The following CDC25B variants were observed in gnomAD, a reference collection of about 807,000 sequenced individuals.
The protein encoded by CDC25B is M-phase inducer phosphatase 2.
CDC25B carries 33 observed loss-of-function variants against 69.8 expected under a neutral mutation model. That is an observed-to-expected ratio of 0.47 (90% confidence interval 0.36 to 0.63). The LOEUF (loss-of-function observed/expected upper bound fraction) is 0.63. CDC25B is among the 30% of genes least tolerant of loss of function. The pLI is 0.00. For synonymous variants in CDC25B, 341 were observed against 314.6 expected (o/e 1.08, Z -0.89); for missense variants, 727 against 809.1 (o/e 0.90, Z 1.23).
At chr20:3,800,621 G>T in intron 5 of CDC25B, 122 bp from the exon 6 acceptor site, 1 of 1,586,028 alleles carries the variant, frequency 6.3e-7, no homozygotes, top group South Asian at 1.1e-5. Context: ...AGGAGATGGG[G>T]TTTCAGAGGT....
chr20:3,798,568 C>A (rs1340680515), intron 3 of CDC25B, 105 bp downstream of exon 3: 2 of 828,996 alleles, frequency 2.4e-6, no homozygotes, highest in East Asian at 2.9e-5. Context: ...GCAGACAGAC[C>A]ATGGGGTGGC....
At chr20:3,802,153 C>A in intron 10 of CDC25B, 53 bp downstream of exon 10, 1 of 1,538,188 alleles carries the variant, frequency 6.5e-7, no homozygotes, top group Non-Finnish European at 8.8e-7. Flanking sequence ...GCAGCCACCC[C>A]CTTGGCTAAG....
chr20:3,800,479 G>A lies in CDC25B; in HGVS notation c.440G>A (p.Arg147Lys). The A allele has an allele frequency of 1.2e-6, 2 of 1,614,208 alleles. No individual in the cohort carries two copies. Among genetic ancestry groups the A allele is most frequent in the Non-Finnish European group, 1.7e-6 (2 of 1,180,046 alleles). Residue 147 changes from arginine (R) to lysine (K), a missense_variant, in exon 5 of 16, where the codon AGA becomes AAA. Transcript: ENST00000245960. ...TCCTGTAGCGAGCAGTTTGCCATCA[G>A]ACGCTTCCAGTCTATGCCGGTGAGT... ...RIIRNEQFAI[R>K]RFQSMPVRLL... is the part of the protein sequence containing the mutation.
chr20:3,800,756 G>C lies in CDC25B; in HGVS notation c.473G>C (p.Gly158Ala). Reference sequence around the variant, plus strand: ...CTGGCTCTCTAGGTGAGGCTGCTGGGCCACAGCCCCGTGCTTCGGAACATC... The same window carrying C: ...CTGGCTCTCTAGGTGAGGCTGCTGGCCCACAGCCCCGTGCTTCGGAACATC... ...RFQSMPVRLL[G>A]HSPVLRNITN... Residue 158 changes from glycine (G) to alanine (A), a missense_variant, in exon 6 of 16, where the codon GGC (glycine) becomes GCC (alanine). This residue lies in a region of CDC25B where 368 missense variants were observed against 345.6 expected (regional missense o/e 1.06). Coordinates refer to ENST00000245960, the MANE Select transcript of CDC25B (RefSeq NM_021873.4). The C allele has an allele frequency of 6.2e-7, 1 of 1,609,714 alleles. No individual in the cohort carries two copies. Among genetic ancestry groups the C allele is most frequent in the Non-Finnish European group, 8.5e-7 (1 of 1,179,990 alleles).
chr20:3,803,599 A>G lies in CDC25B; in HGVS notation c.1490+62A>G, dbSNP rs548109930. 148 of 1,605,204 alleles carry G rather than the reference A, an allele frequency of 9.2e-5. No individual in the cohort carries two copies. Among genetic ancestry groups the G allele is most frequent in the Admixed American group, 5.0e-5 (3 of 59,932 alleles). On this transcript the variant is annotated intron_variant, in intron 14 of 15. Transcript: ENST00000245960. This position sits in a 1 kb window ranked among gnomAD's most constrained non-coding sequence, Gnocchi z 4.9. ...CCTGGCCTTCCCTGCCCAGGCTCAC[A>G]GGTGCTGGCACCATTGAGATGGCCA...
upstream of CDC25B, among the ~76,000 whole-genome samples, chr20:3,795,196 A>T (rs2088994164): frequency 6.6e-6 from 1 of 152,118 alleles, no homozygotes; most frequent in Non-Finnish European, 1.5e-5. Flanking sequence ...CCCCGTCTCT[A>T]CTAAAAATAC....
intron 5 of CDC25B, 106 bp downstream of exon 5, chr20:3,800,604 A>C: frequency 6.3e-7 from 1 of 1,579,566 alleles, no homozygotes; most frequent in Non-Finnish European, 8.7e-7. Context: ...GTCCCCAGGC[A>C]GGCTGTAGGA....
chr20:3,803,012 T>C lies in CDC25B; in HGVS notation c.1257+40T>C, dbSNP rs375203028. On this transcript the variant is annotated intron_variant, in intron 12 of 15. Coordinates refer to ENST00000245960, the MANE Select transcript of CDC25B (RefSeq NM_021873.4). This position sits in a 1 kb window ranked among gnomAD's most constrained non-coding sequence, Gnocchi z 4.9. ...GTCATTTTCTAGGCAGATTTGGGACTGTAGCTCCATTGTTGACCTTCCCTG... is the reference window on the plus strand; with the variant it reads ...GTCATTTTCTAGGCAGATTTGGGACCGTAGCTCCATTGTTGACCTTCCCTG... 7 of 1,604,074 alleles carry C rather than the reference T, an allele frequency of 4.4e-6. No individual in the cohort carries two copies. Among genetic ancestry groups the C allele is most frequent in the Non-Finnish European group, 6.0e-6 (7 of 1,170,936 alleles).
In CDC25B at chr20:3,804,804, C is replaced by T; in HGVS notation, c.1603-17C>T. The T allele has an allele frequency of 1.9e-6, 3 of 1,614,010 alleles. No homozygotes were observed. The highest frequency in any genetic ancestry group is 2.5e-6 in the Non-Finnish European group (3 of 1,179,928). ...CTTACCCATTCCACTGCATTGACCC[C>T]TCCTGTCCTGCCCTAGAACTTCTGT... On this transcript the variant is annotated splice_polypyrimidine_tract_variant and intron_variant, in intron 15 of 15. Coordinates refer to ENST00000245960, the MANE Select transcript of CDC25B (RefSeq NM_021873.4).
rs1249595795 is a variant in CDC25B, at chr20:3,797,706, CGAATCCTCCCTGTCGTCT to C, written c.295_312del (p.Leu99_Ser104del). On this transcript the variant is annotated inframe_deletion, in exon 2 of 16. Coordinates refer to ENST00000245960, the MANE Select transcript of CDC25B (RefSeq NM_021873.4). ...ACCTATCCCTGTCTCGACGGGCATCCGAATCCTCCCTGTCGTCTGAATCCTCCGAATCTTCTGATGCAG... is the reference window on the plus strand; with the variant it reads ...ACCTATCCCTGTCTCGACGGGCATCCGAATCCTCCGAATCTTCTGATGCAG... The C allele has an allele frequency of 3.7e-6, 6 of 1,614,028 alleles. No homozygotes were observed. The highest frequency in any genetic ancestry group is 5.1e-6 in the Non-Finnish European group (6 of 1,180,032).
chr20:3,796,218 T>G, upstream of CDC25B: 3 of 1,172,808 alleles, frequency 2.6e-6, no homozygotes, highest in African/African-American at 1.7e-5. Context: ...AGTCCCGCCC[T>G]CATCTAACCC....
At chr20:3,789,477 TCTC>T (rs1452773383) in intron 1 of CDC25B, among the ~76,000 whole-genome samples, 1 of 152,052 alleles carries the variant, frequency 6.6e-6, no homozygotes, top group Non-Finnish European at 1.5e-5. Context: ...TTCAAGCAAT[TCTC>T]CTGCTTCAGC....
chr20:3,794,365 T>C (rs6052081), upstream of CDC25B, among the ~76,000 whole-genome samples: 1,241 of 151,262 alleles, frequency 8.2e-3, 16 homozygotes, highest in African/African-American at 0.028. Flanking sequence ...ATGAGCATTT[T>C]TTCATGTGTT....
intron 1 of CDC25B, among the ~76,000 whole-genome samples, chr20:3,788,607 G>A (rs916231920): frequency 6.6e-6 from 1 of 152,154 alleles, no homozygotes; most frequent in Non-Finnish European, 1.5e-5. Context: ...AAAAGAACAC[G>A]TGGGAGACTT....
chr20:3,800,431 A>G (rs1291378938), intron 4 of CDC25B, 31 bp from the exon 5 acceptor site: 2 of 1,613,892 alleles, frequency 1.2e-6, no homozygotes, highest in Non-Finnish European at 1.7e-6. Flanking sequence ...TGCCTCTCCC[A>G]GCTCTCACCT....
chr20:3,802,699 TC>T, intron 11 of CDC25B: 1 of 611,116 alleles, frequency 1.6e-6, no homozygotes, highest in Non-Finnish European at 2.9e-6. Context: ...CTCTTCCACT[TC>T]CCTTTTTCAT....
upstream of CDC25B, among the ~76,000 whole-genome samples, chr20:3,795,372 C>CAA (rs758801099): frequency 0.027 from 2,454 of 91,256 alleles, 82 homozygotes; most frequent in African/African-American, 0.093. Context: ...AAAAACAAAA[C>CAA]AAAACAAAAA....
At chr20:3,791,918 A>G (rs1169284184), upstream of CDC25B, among the ~76,000 whole-genome samples, 1 of 152,136 alleles carries the variant, frequency 6.6e-6, no homozygotes, top group Non-Finnish European at 1.5e-5. Flanking sequence ...ATTTTTATTT[A>G]TTTATTTATT....
Position 3,800,789 on chromosome 20 carries a change from C to A in CDC25B, c.506C>A (p.Ser169Tyr). The A allele has an allele frequency of 6.2e-7, 1 of 1,612,410 alleles. No homozygotes were observed. The highest frequency in any genetic ancestry group is 1.7e-5 in the Admixed American group (1 of 60,024). The change falls in exon 6 of 16, where the codon TCC (serine) becomes TAC (tyrosine). Residue 169 changes from serine (S) to tyrosine (Y), a missense_variant. Around this residue, in one of 2 missense-constraint regions of CDC25B, gnomAD observed 368 missense variants for 345.6 expected, o/e 1.06. Coordinates refer to ENST00000245960, the MANE Select transcript of CDC25B (RefSeq NM_021873.4). ...HSPVLRNITN[S>Y]QAPDGRRKSE... The stretch of plus-strand genomic sequence containing the variant: ...CCCGTGCTTCGGAACATCACCAACT[C>A]CCAGGCGCCCGACGGCCGGAGGAAG...
Sources: allele counts gnomAD v4.1 joint callset (sites outside exome capture counted in the v4.1 genomes callset), GRCh38; gene constraint gnomAD v4.1.1; regional missense constraint gnomAD v4.1.1; non-coding constraint Gnocchi (gnomAD v3.1); transcripts MANE v1.5; gene names NCBI Gene and HGNC (gene_info 2026-07-23, HGNC 2026-07-21).